The following QSOX2 variants were observed in gnomAD, a reference collection of about 807,000 sequenced individuals.
QSOX2 encodes the protein sulfhydryl oxidase 2.
In QSOX2, 46 loss-of-function variants were observed where a neutral mutation model predicts 61.7. The ratio of observed to expected loss-of-function variants is 0.75; its 90% CI spans 0.59 to 0.95. The LOEUF (loss-of-function observed/expected upper bound fraction) is 0.95, where lower values mean the gene tolerates loss of function less well. Ranked by LOEUF, QSOX2 falls within the 40% of genes least tolerant of loss-of-function variation. The pLI, the probability that QSOX2 is intolerant of heterozygous loss-of-function variation, is 0.00. For synonymous variants in QSOX2, 383 were observed against 388.4 expected, an observed-to-expected ratio of 0.99 and a Z score of 0.16; for missense variants, 879 against 918.9, an observed-to-expected ratio of 0.96 and a Z score of 0.56.
intron 11 of QSOX2, 125 bp downstream of exon 11, chr9:136,211,139 C>T: frequency 9.4e-7 from 1 of 1,061,748 alleles, no homozygotes; most frequent in East Asian, 2.6e-5. Context: ...CCCGTCAGCA[C>T]AGTGGGTGGC....
intron 11 of QSOX2, chr9:136,210,248 G>C (rs963260387): frequency 1.0e-6 from 1 of 985,368 alleles, no homozygotes; most frequent in African/African-American, 1.7e-5. Flanking sequence ...ATCTCCGAGG[G>C]GCCTCCCAGG....
intron 10 of QSOX2, among the ~76,000 whole-genome samples, chr9:136,213,243 G>GTT (rs398046934): frequency 1.5e-3 from 164 of 110,978 alleles, no homozygotes; most frequent in Middle Eastern, 4.2e-3. Flanking sequence ...GTTTTGTTGT[G>GTT]TTTTTTTTTT....
intron 1 of QSOX2, among the ~76,000 whole-genome samples, chr9:136,233,420 G>C (rs1830350329): frequency 6.6e-6 from 1 of 152,204 alleles, no homozygotes; most frequent in Non-Finnish European, 1.5e-5. Flanking sequence ...GGGGTCCTAA[G>C]GCCCTTTAGG....
At chr9:136,224,191 C>A (rs555587939) in intron 3 of QSOX2, 79 bp from the exon 4 acceptor site, 49 of 1,127,756 alleles carry the variant, frequency 4.3e-5, no homozygotes, top group Non-Finnish European at 6.1e-5. Context: ...GACAGCAGCC[C>A]CGTCCCAGCC....
chr9:136,229,812 C>A (rs1564295182), intron 1 of QSOX2, among the ~76,000 whole-genome samples: 1 of 152,216 alleles, frequency 6.6e-6, no homozygotes, highest in Non-Finnish European at 1.5e-5. Context: ...CCACATCACA[C>A]CCTGCCCTCC....
In QSOX2 at chr9:136,208,977, G is replaced by A. The variant is rs1462728015; in HGVS notation, c.1848C>T (p.Gly616=). 10 of 1,613,578 alleles carry A rather than the reference G, an allele frequency of 6.2e-6. No individual in the cohort carries two copies. The highest frequency in any genetic ancestry group is 1.3e-5 in the African/African-American group (1 of 74,926). Residue 616 remains glycine (G), a synonymous_variant, in exon 12 of 12, where the codon GGC becomes GGT. Coordinates refer to ENST00000358701, the MANE Select transcript of QSOX2 (RefSeq NM_181701.4). ...AGCTCTCTGGAAGGGCAGGCCTGGG[G>A]CCCAGTGCACCAGGTGGACGGACGC... ...TQSVRPPGAL[G]PRPALPESLH... is the part of the protein sequence containing the mutation.
chr9:136,219,189 T>C, intron 6 of QSOX2, 25 bp from the exon 7 acceptor site: 1 of 1,604,212 alleles, frequency 6.2e-7, no homozygotes. Flanking sequence ...AGGGCAAAGG[T>C]GAGAAGAGCC....
rs761961722 is a variant in QSOX2, at chr9:136,209,121, T to G, written c.1704A>C (p.Leu568Phe). 1 of 1,614,144 alleles carries G rather than the reference T, an allele frequency of 6.2e-7. No homozygotes were observed. Among genetic ancestry groups the G allele is most frequent in the East Asian group, 2.2e-5 (1 of 44,876 alleles). Residue 568 changes from leucine to phenylalanine, a missense_variant, in exon 12 of 12, where the codon TTA (leucine) becomes TTC (phenylalanine). By Grantham distance (22) the Leu-to-Phe change is conservative (BLOSUM62 0). Coordinates refer to ENST00000358701, the MANE Select transcript of QSOX2 (RefSeq NM_181701.4). The surrounding 1 kb of genome is among the most constrained non-coding windows in gnomAD (Gnocchi z 5.6). ...CCCCCTGGTCTGCGGAATACGTGTC[T>G]AAGAGGTTGTCGCGGCCATAGTGCT... ...LKQHYGRDNLLDTYSADQGDS... is the reference protein window; with the variant it reads ...LKQHYGRDNLFDTYSADQGDS...
At chr9:136,238,104 G>A (rs568507772) in intron 1 of QSOX2, among the ~76,000 whole-genome samples, 4 of 152,194 alleles carry the variant, frequency 2.6e-5, no homozygotes, top group African/African-American at 4.8e-5. Context: ...ACAGATGTCC[G>A]TGCCCCAGGT....
chr9:136,216,110 G>A (rs976795667), intron 9 of QSOX2, among the ~76,000 whole-genome samples: 8 of 152,212 alleles, frequency 5.3e-5, no homozygotes, highest in South Asian at 2.1e-4. Flanking sequence ...TACTGCCCGC[G>A]AGTAAACACT....
In QSOX2 at chr9:136,209,537, C is replaced by T. The variant is rs1317206832; in HGVS notation, c.1550-262G>A. 3 of 985,290 alleles carry T rather than the reference C, an allele frequency of 3.0e-6. No homozygotes were observed. The highest frequency in any genetic ancestry group is 1.7e-5 in the African/African-American group (1 of 57,254). 61.0% of individuals were successfully genotyped at this position (985,290 alleles called of 1,614,324 possible). On this transcript the variant is annotated intron_variant, in intron 11 of 11. Coordinates refer to ENST00000358701, the MANE Select transcript of QSOX2 (RefSeq NM_181701.4). The surrounding 1 kb of genome is among the most constrained non-coding windows in gnomAD (Gnocchi z 5.6). ...CCTGCAAGTGAGGAGACGCTACACG[C>T]TCGGCCTCCGCCACTTCCCAGACCA...
At chr9:136,214,738 C>A (rs1399348488) in intron 10 of QSOX2, among the ~76,000 whole-genome samples, 1 of 152,210 alleles carries the variant, frequency 6.6e-6, no homozygotes, top group East Asian at 1.9e-4. Flanking sequence ...GAGCTCATAA[C>A]CGTGCGTGGT....
Position 136,223,843 on chromosome 9 carries a change from C to T in QSOX2, c.595G>A (p.Val199Ile), listed in dbSNP as rs1244562719. ...CCACGGTTGTCAAGAAGGGAAAGAA[C>T]ATCACTGGGCCTTTCAAGAGGAAAA... ...PRLDPIQPSD[V>I]LSLLDNRGSH... Residue 199 changes from valine (V) to isoleucine (I), a missense_variant, in exon 5 of 12, where the codon GTT (valine) becomes ATT (isoleucine). Coordinates refer to ENST00000358701, the MANE Select transcript of QSOX2 (RefSeq NM_181701.4). This position sits in a 1 kb window ranked among gnomAD's most constrained non-coding sequence, Gnocchi z 4.4. 3 of 1,613,906 alleles carry T rather than the reference C, an allele frequency of 1.9e-6. No homozygotes were observed. Among genetic ancestry groups the T allele is most frequent in the African/African-American group, 2.7e-5 (2 of 74,908 alleles).
intron 1 of QSOX2, among the ~76,000 whole-genome samples, chr9:136,234,136 C>G (rs185276097): frequency 6.6e-6 from 1 of 151,486 alleles, no homozygotes; most frequent in Non-Finnish European, 1.5e-5. Flanking sequence ...AAGGCCTTCA[C>G]GTGGCTCCAC....
intron 11 of QSOX2, chr9:136,210,717 C>G: frequency 4.1e-6 from 4 of 985,062 alleles, no homozygotes; most frequent in Non-Finnish European, 4.8e-6. Flanking sequence ...ATTTTCTATT[C>G]ATCTCTATTA....
rs1471716295 is a variant in QSOX2 at position 136,223,827 on chromosome 9, T to C, written c.611A>G (p.Asp204Gly). Residue 204 changes from aspartate (D) to glycine (G), a missense_variant, in exon 5 of 12, where the codon GAC becomes GGC. Transcript: ENST00000358701. The surrounding 1 kb of genome is among the most constrained non-coding windows in gnomAD (Gnocchi z 4.4). ...AGCCACGTAATGGCTGCCACGGTTG[T>C]CAAGAAGGGAAAGAACATCACTGGG... ...IQPSDVLSLL[D>G]NRGSHYVAIV... 6.2e-7 allele frequency: 1 copy of C among 1,614,034 alleles called. No homozygotes were observed. The highest frequency in any genetic ancestry group is 1.7e-5 in the Admixed American group (1 of 60,022).
chr9:136,231,183 G>C, intron 1 of QSOX2, among the ~76,000 whole-genome samples: 1 of 152,210 alleles, frequency 6.6e-6, no homozygotes, highest in Non-Finnish European at 1.5e-5. Context: ...GCCGAGGAAG[G>C]CTCCAAAGTC....
At chr9:136,218,870 T>C in intron 7 of QSOX2, 62 bp from the exon 8 acceptor site, 9 of 1,591,648 alleles carry the variant, frequency 5.7e-6, no homozygotes, top group Non-Finnish European at 7.7e-6. Flanking sequence ...CAAGTCTCCC[T>C]GTCCTGGCTC....
At chr9:136,232,917 C>CA (rs60814748) in intron 1 of QSOX2, among the ~76,000 whole-genome samples, 11,536 of 44,850 alleles carry the variant, frequency 0.26, 1,000 homozygotes, top group African/African-American at 0.36. Flanking sequence ...GAACCTGTCT[C>CA]AAAAAAAAAA....
Sources: gnomAD v4.1 joint callset for allele counts (sites outside exome capture counted in the v4.1 genomes callset) on GRCh38, gnomAD v4.1.1 for gene constraint, Gnocchi (gnomAD v3.1) non-coding constraint, MANE v1.5 for transcripts, NCBI Gene and HGNC (gene_info 2026-07-23, HGNC 2026-07-21) for gene names.